ST14: variants seen among roughly 807,000 people sequenced by gnomAD.
ST14 encodes ST14 transmembrane serine protease matriptase.
Under a neutral mutation model 96.5 loss-of-function variants are expected in ST14, and 40 were observed. The observed-to-expected ratio is 0.41, with a 90% CI of 0.32 to 0.54. ST14 has a LOEUF of 0.54. Among genes scored for constraint, ST14 ranks in the 20% least tolerant of loss-of-function variants. ST14 has a pLI of 0.17. For missense variants in ST14, 1,066 were observed against 1,188.9 expected (o/e 0.90, Z 1.52); for synonymous variants, 506 against 492.1 (o/e 1.03, Z -0.37).
At chr11:130,180,215 C>T (rs1472244884) in intron 1 of ST14, among the ~76,000 whole-genome samples, 1 of 152,184 alleles carries the variant, frequency 6.6e-6, no homozygotes, top group East Asian at 1.9e-4. Flanking sequence ...CTGGTGGCAT[C>T]GCCCCTGCCC....
rs1027744897 is a variant in ST14, at chr11:130,189,986, C to A, written c.598+90C>A. ...TGGACCATTGCAGGGGACCGGCACT[C>A]CCAGGGCCCAGTGCCCCAGAGAGAA... On this transcript the variant is annotated intron_variant, in intron 5 of 18. Transcript: ENST00000278742. The A allele has an allele frequency of 1.9e-6, 3 of 1,608,888 alleles. No individual in the cohort carries two copies. The African/African-American group carries it at 4.0e-5, about 22-fold the overall frequency.
At chr11:130,166,070 G>T (rs1186032065) in intron 1 of ST14, among the ~76,000 whole-genome samples, 2 of 152,222 alleles carry the variant, frequency 1.3e-5, no homozygotes, top group African/African-American at 2.4e-5. Context: ...AGCTTGTCTG[G>T]TTTCCCCTTT....
chr11:130,172,860 G>A (rs1953105464), intron 1 of ST14, among the ~76,000 whole-genome samples: 1 of 152,154 alleles, frequency 6.6e-6, no homozygotes, highest in Admixed American at 6.5e-5. Flanking sequence ...CATAAGATGA[G>A]GTCTTTTTCT....
Position 130,190,627 on chromosome 11 carries a change from G to C in ST14, c.808G>C (p.Glu270Gln), listed in dbSNP as rs754130670. Residue 270 changes from glutamate (E) to glutamine (Q), a missense_variant, in exon 7 of 19, where the codon GAG becomes CAG. By Grantham distance (29) the Glu-to-Gln change is conservative. Transcript: ENST00000278742. ...CAGCTTTGACCTTGCGTCCTGCGAC[G>C]AGCGCGGCAGCGACCTGGTGACGGT... is the stretch of plus-strand genomic sequence containing the variant. ...FRSFDLASCDERGSDLVTVYN... is the reference protein window; with the variant it reads ...FRSFDLASCDQRGSDLVTVYN... 1 of 1,611,634 alleles carries C rather than the reference G, an allele frequency of 6.2e-7. No homozygotes were observed. Among genetic ancestry groups the C allele is most frequent in the Non-Finnish European group, 8.5e-7 (1 of 1,179,236 alleles).
At chr11:130,165,427 A>C (rs1279372576) in intron 1 of ST14, among the ~76,000 whole-genome samples, 1 of 152,230 alleles carries the variant, frequency 6.6e-6, no homozygotes, top group Non-Finnish European at 1.5e-5. Context: ...CTCAGAGCTC[A>C]TGGGTAGTAG....
At chr11:130,195,710 G>A (rs928366953) in intron 9 of ST14, among the ~76,000 whole-genome samples, 3 of 151,892 alleles carry the variant, frequency 2.0e-5, no homozygotes, top group African/African-American at 4.8e-5. Context: ...AAAATTAGCC[G>A]GGTGTGATGG....
chr11:130,159,921 T>G lies in ST14; in HGVS notation c.-59T>G. On this transcript the variant is annotated 5_prime_UTR_variant, in exon 1 of 19. An upstream start codon of the reference 5' UTR is lost. Transcript: ENST00000278742. Reference sequence around the variant, plus strand: ...CCCGCGCCCCGCGCCCTGCGGGCCATGGGAGCCGGCCGCCGGCAGGGACGA... The same window carrying G: ...CCCGCGCCCCGCGCCCTGCGGGCCAGGGGAGCCGGCCGCCGGCAGGGACGA... 7.6e-5 allele frequency: 81 copies of G among 1,071,522 alleles called. No individual in the cohort carries two copies. The highest frequency in any genetic ancestry group is 3.6e-4 in the Middle Eastern group (1 of 2,782). The allele number at this position is 1,071,522 out of a possible 1,614,324, so 66.4% of individuals were successfully genotyped here.
intron 1 of ST14, among the ~76,000 whole-genome samples, chr11:130,177,511 C>T (rs1037386786): frequency 2.6e-5 from 4 of 152,024 alleles, no homozygotes; most frequent in Admixed American, 6.6e-5. Flanking sequence ...TGTGGTGAGC[C>T]GATATGGCGC....
chr11:130,191,092 T>C (rs1953293416), intron 7 of ST14, among the ~76,000 whole-genome samples: 1 of 152,250 alleles, frequency 6.6e-6, no homozygotes, highest in Admixed American at 6.5e-5. Flanking sequence ...AGCTCATGCC[T>C]GTAATCTCAG....
intron 4 of ST14, 122 bp downstream of exon 4, chr11:130,189,061 G>A: frequency 9.3e-7 from 1 of 1,078,192 alleles, no homozygotes; most frequent in South Asian, 1.3e-5. Context: ...GAGAGCCAAG[G>A]AGGGTCCTCG....
Position 130,197,883 on chromosome 11 carries a change from G to A in ST14, c.1397G>A (p.Arg466Gln), listed in dbSNP as rs780031998. Residue 466 changes from arginine (R) to glutamine (Q), a missense_variant, in exon 12 of 19, where the codon CGG becomes CAG. Coordinates refer to ENST00000278742, the MANE Select transcript of ST14 (RefSeq NM_021978.4). Reference sequence around the variant, plus strand: ...ACGTGCCGCACGGGGCGGTGTATCCGGAAGGAGCTGCGCTGTGATGGCTGG... The same window carrying A: ...ACGTGCCGCACGGGGCGGTGTATCCAGAAGGAGCTGCGCTGTGATGGCTGG... ...QFTCRTGRCI[R>Q]KELRCDGWAD... 18 of 1,596,150 alleles carry A rather than the reference G, an allele frequency of 1.1e-5. No individual in the cohort carries two copies. Among genetic ancestry groups the A allele is most frequent in the East Asian group, 2.3e-5 (1 of 44,238 alleles).
At position 130,194,032 on chromosome 11, in the gene ST14, A is replaced by G. The variant is rs1002091575; in HGVS notation, c.876-117A>G. On this transcript the variant is annotated intron_variant, in intron 7 of 18. Transcript: ENST00000278742. ...TTGACTCCATTCTTGGCCTCTGTGG[A>G]TGGGACCAGAGTTAGGGGTGGGGTC... 5.3e-5 allele frequency: 71 copies of G among 1,346,066 alleles called. No homozygotes were observed. The African/African-American group carries it at 8.8e-4, about 17-fold the overall frequency. The allele number at this position is 1,346,066 out of a possible 1,614,324, so 83.4% of individuals were successfully genotyped here. A position where few individuals can be genotyped will look rare whatever the true frequency, so the allele number is the denominator to read the frequency against.
intron 1 of ST14, among the ~76,000 whole-genome samples, chr11:130,168,217 G>A (rs1411497173): frequency 2.0e-5 from 3 of 152,190 alleles, no homozygotes; most frequent in Non-Finnish European, 4.4e-5. Context: ...CAAACAGAAT[G>A]AGGAAGGTAA....
rs770579730 is a variant in ST14, at chr11:130,198,941, GA to G, written c.1685-4del. 1 of 1,613,810 alleles carries G rather than the reference GA, an allele frequency of 6.2e-7. No homozygotes were observed. The highest frequency in any genetic ancestry group is 1.3e-5 in the African/African-American group (1 of 74,932). ...GAGCCCCTCCCTTGTCCTCCTCCTT[GA>G]ACAGTGAACGTCGTCACTTGTACCA... On this transcript the variant is annotated splice_polypyrimidine_tract_variant and splice_region_variant and intron_variant, in intron 14 of 18. Coordinates refer to ENST00000278742, the MANE Select transcript of ST14 (RefSeq NM_021978.4).
At chr11:130,199,186 G>A in intron 15 of ST14, 117 bp downstream of exon 15, 2 of 1,110,368 alleles carry the variant, frequency 1.8e-6, no homozygotes, top group Non-Finnish European at 2.6e-6. Context: ...CTGTGCTTGG[G>A]TGAGAGGGTG....
At chr11:130,194,554 C>G (rs1288134199) in intron 8 of ST14, 86 bp from the exon 9 acceptor site, 1 of 1,414,994 alleles carries the variant, frequency 7.1e-7, no homozygotes, top group Non-Finnish European at 9.9e-7. Context: ...GGAGGCAGCT[C>G]CAGGCCTCAG....
At chr11:130,175,767 G>A (rs1204849027) in intron 1 of ST14, among the ~76,000 whole-genome samples, 5 of 151,870 alleles carry the variant, frequency 3.3e-5, no homozygotes, top group South Asian at 4.1e-4. Context: ...GGGTTCAAGC[G>A]ATTCTCCTGT....
At chr11:130,171,091 CAATTA>C (rs1055055512) in intron 1 of ST14, among the ~76,000 whole-genome samples, 1 of 152,142 alleles carries the variant, frequency 6.6e-6, no homozygotes, top group African/African-American at 2.4e-5. Context: ...AAGATAGTGT[CAATTA>C]AGACAGCCAT....
intron 15 of ST14, 75 bp from the exon 16 acceptor site, chr11:130,199,876 C>T: frequency 6.3e-7 from 1 of 1,586,572 alleles, no homozygotes; most frequent in Non-Finnish European, 8.6e-7. Context: ...TCTCCTGGCA[C>T]ACACTGCATG....
Sources: gnomAD v4.1 joint callset for allele counts (sites outside exome capture counted in the v4.1 genomes callset) on GRCh38, gnomAD v4.1.1 for gene constraint, MANE v1.5 for transcripts, NCBI Gene and HGNC (gene_info 2026-07-23, HGNC 2026-07-21) for gene names.